TOPAZ1: variants seen among roughly 807,000 people sequenced by gnomAD.
The protein encoded by TOPAZ1 is protein TOPAZ1.
A neutral mutation model predicts 172.2 loss-of-function variants in TOPAZ1; 66 were observed. The ratio of observed to expected loss-of-function variants is 0.38; its 90% CI spans 0.31 to 0.47. The LOEUF is 0.47. Ranked by LOEUF, TOPAZ1 falls within the 20% of genes least tolerant of loss-of-function variation. TOPAZ1 has a pLI of 0.99. For synonymous variants in TOPAZ1, 681 were observed against 683.9 expected (o/e 1.00, Z 0.07); for missense variants, 1,822 against 1,972.4 (o/e 0.92, Z 1.44).
chr3:44,295,576 G>A (rs1476849013), intron 12 of TOPAZ1, among the ~76,000 whole-genome samples: 2 of 152,130 alleles, frequency 1.3e-5, no homozygotes, highest in African/African-American at 2.4e-5. Context: ...TTTAAAAGGA[G>A]CATGAGTGAT....
At chr3:44,307,516 A>T (rs1700349347) in intron 15 of TOPAZ1, among the ~76,000 whole-genome samples, 1 of 152,110 alleles carries the variant, frequency 6.6e-6, no homozygotes. Flanking sequence ...CTGAGGTGGC[A>T]GGTGGAGTTA....
chr3:44,323,098 T>G lies in TOPAZ1; in HGVS notation c.4478T>G (p.Val1493Gly). The G allele has an allele frequency of 6.6e-7, 1 of 1,520,034 alleles. No individual in the cohort carries two copies. The highest frequency in any genetic ancestry group is 8.8e-7 in the Non-Finnish European group (1 of 1,133,794). 94.2% of individuals were successfully genotyped at this position (1,520,034 alleles called of 1,614,324 possible). Residue 1493 changes from valine (V) to glycine (G), a missense_variant, in exon 18 of 20, where the codon GTG becomes GGG. This residue lies in a region of TOPAZ1 where 333 missense variants were observed against 481.7 expected (regional missense o/e 0.69). Transcript: ENST00000309765. ...LPGFQNSQETVEVSQYSLLFN... is the reference protein window; with the variant it reads ...LPGFQNSQETGEVSQYSLLFN... ...ATCATTTTTTTTATTCCAGAAACTGTGGAAGTCTCACAATATAGCCTTCTT... is the reference window on the plus strand; with the variant it reads ...ATCATTTTTTTTATTCCAGAAACTGGGGAAGTCTCACAATATAGCCTTCTT...
At chr3:44,248,594 A>C (rs1387851568) in intron 2 of TOPAZ1, among the ~76,000 whole-genome samples, 2 of 152,230 alleles carry the variant, frequency 1.3e-5, no homozygotes, top group Non-Finnish European at 1.5e-5. Flanking sequence ...AGTTGCACAG[A>C]AACTTGTTAA....
intron 12 of TOPAZ1, among the ~76,000 whole-genome samples, chr3:44,298,923 T>C (rs1196557758): frequency 2.1e-5 from 1 of 47,412 alleles, no homozygotes; most frequent in African/African-American, 7.6e-5. Context: ...TTTTTTTTTT[T>C]TTTTTTTTTT....
intron 11 of TOPAZ1, among the ~76,000 whole-genome samples, chr3:44,288,221 T>G (rs1379892858): frequency 6.6e-6 from 1 of 152,094 alleles, no homozygotes; most frequent in African/African-American, 2.4e-5. Context: ...TCCTAGTATT[T>G]GATACTACTC....
chr3:44,291,184 G>A (rs142574859), intron 12 of TOPAZ1, among the ~76,000 whole-genome samples: 1 of 151,712 alleles, frequency 6.6e-6, no homozygotes, highest in Non-Finnish European at 1.5e-5. Context: ...TCTCTTATAT[G>A]TGTACAAATT....
intron 9 of TOPAZ1, among the ~76,000 whole-genome samples, chr3:44,283,730 TACAC>T (rs796667207): frequency 6.6e-6 from 1 of 152,240 alleles, no homozygotes; most frequent in Non-Finnish European, 1.5e-5. Flanking sequence ...TATGTGTGTG[TACAC>T]ACACGTGTGC....
chr3:44,276,386 A>T (rs1699957803), intron 8 of TOPAZ1, among the ~76,000 whole-genome samples: 2 of 151,994 alleles, frequency 1.3e-5, no homozygotes, highest in Middle Eastern at 3.2e-3. Flanking sequence ...CATTCTTCTG[A>T]ATATGGATAT....
intron 5 of TOPAZ1, among the ~76,000 whole-genome samples, chr3:44,265,516 A>G (rs1465008818): frequency 1.3e-5 from 2 of 152,208 alleles, no homozygotes; most frequent in Non-Finnish European, 2.9e-5. Flanking sequence ...AGATCGCACC[A>G]CTGCACTCCA....
At chr3:44,260,090 C>A (rs1167248080) in intron 4 of TOPAZ1, among the ~76,000 whole-genome samples, 1 of 152,168 alleles carries the variant, frequency 6.6e-6, no homozygotes, top group Non-Finnish European at 1.5e-5. Context: ...TTCCTGCCAC[C>A]TTGTGAAGAA....
intron 8 of TOPAZ1, among the ~76,000 whole-genome samples, 198 bp from the exon 9 acceptor site, chr3:44,281,770 A>T (rs983354234): frequency 6.6e-6 from 1 of 152,212 alleles, no homozygotes; most frequent in Non-Finnish European, 1.5e-5. Flanking sequence ...ATGGTTATTT[A>T]AAAAATAACA....
chr3:44,265,534 C>A (rs1245600584), intron 5 of TOPAZ1, among the ~76,000 whole-genome samples: 1 of 152,106 alleles, frequency 6.6e-6, no homozygotes, highest in Non-Finnish European at 1.5e-5. Flanking sequence ...CCAGCCTGGG[C>A]GACAGAGCAA....
chr3:44,270,097 A>G (rs920662624), intron 7 of TOPAZ1, among the ~76,000 whole-genome samples: 6 of 152,230 alleles, frequency 3.9e-5, no homozygotes, highest in African/African-American at 1.4e-4. Context: ...CTTTTCTGTG[A>G]TGAAAGAGAA....
At chr3:44,264,523 T>C (rs1223813310) in intron 5 of TOPAZ1, among the ~76,000 whole-genome samples, 1 of 152,208 alleles carries the variant, frequency 6.6e-6, no homozygotes, top group East Asian at 1.9e-4. Context: ...TGATGGCTGC[T>C]TACTGAATAG....
At position 44,261,088 on chromosome 3, in the gene TOPAZ1, CTT is replaced by C. The variant is rs570849807; in HGVS notation, c.2956-1330_2956-1329del. Among the ~76,000 whole-genome samples the C allele has an allele frequency of 2.9e-3, 442 of 151,804 alleles. 2 individuals carry two copies. Among genetic ancestry groups the C allele is most frequent in the African/African-American group, 1.0e-2 (414 of 41,402 alleles). Reference sequence around the variant, plus strand: ...AAAATATGTTTTGGTGGTTCTCTCTCTTGTATTTTTTTAAAGAGTGCTTTAAA... The same window carrying C: ...AAAATATGTTTTGGTGGTTCTCTCTCGTATTTTTTTAAAGAGTGCTTTAAA... On this transcript the variant is annotated intron_variant, in intron 4 of 19. Coordinates refer to ENST00000309765, the MANE Select transcript of TOPAZ1 (RefSeq NM_001145030.2).
chr3:44,299,652 T>C (rs1291639068), intron 12 of TOPAZ1, among the ~76,000 whole-genome samples: 9 of 152,166 alleles, frequency 5.9e-5, no homozygotes, highest in Non-Finnish European at 1.0e-4. Context: ...CACAAGCACA[T>C]GTATGTTTAT....
rs1445013334 is a variant in TOPAZ1 at position 44,323,073 on chromosome 3, A to G, written c.4472-19A>G. 20 of 1,457,572 alleles carry G rather than the reference A, an allele frequency of 1.4e-5. No individual in the cohort carries two copies. Among genetic ancestry groups the G allele is most frequent in the Non-Finnish European group, 1.8e-5 (20 of 1,086,322 alleles). 90.3% of individuals were successfully genotyped at this position (1,457,572 alleles called of 1,614,324 possible). Reference sequence around the variant, plus strand: ...CTTTAATATAAATGAATTTTATTATATCATTTTTTTTATTCCAGAAACTGT... The same window carrying G: ...CTTTAATATAAATGAATTTTATTATGTCATTTTTTTTATTCCAGAAACTGT... On this transcript the variant is annotated intron_variant, in intron 17 of 19. Transcript: ENST00000309765.
At chr3:44,281,930 TA>T (rs1336723344) in intron 8 of TOPAZ1, 37 bp from the exon 9 acceptor site, 11 of 1,319,374 alleles carry the variant, frequency 8.3e-6, no homozygotes, top group African/African-American at 1.5e-5. Context: ...ACAGAATATT[TA>T]AAAAAGGTAG....
chr3:44,314,067 T>G (rs1700426180), intron 16 of TOPAZ1, among the ~76,000 whole-genome samples: 1 of 152,048 alleles, frequency 6.6e-6, no homozygotes, highest in African/African-American at 2.4e-5. Flanking sequence ...TGAGACGGAG[T>G]CTCACTCTGT....
Sources: gnomAD v4.1 joint callset for allele counts (sites outside exome capture counted in the v4.1 genomes callset) on GRCh38, gnomAD v4.1.1 for gene constraint, gnomAD v4.1.1 regional missense constraint, MANE v1.5 for transcripts, NCBI Gene and HGNC (gene_info 2026-07-23, HGNC 2026-07-21) for gene names.